Variants in MMS22L observed in about 807,000 individuals in gnomAD.
MMS22L encodes the protein protein MMS22-like.
Under a neutral mutation model 159.1 loss-of-function variants are expected in MMS22L, and 74 were observed. The ratio of observed to expected loss-of-function variants is 0.47; its 90% CI spans 0.39 to 0.56. The LOEUF (loss-of-function observed/expected upper bound fraction) is 0.56, where lower values mean the gene tolerates loss of function less well. MMS22L is among the 20% of genes least tolerant of loss of function. The pLI is 0.00. For synonymous variants in MMS22L, 517 were observed against 506.9 expected (o/e 1.02, Z -0.27); for missense variants, 1,351 against 1,422.1 (o/e 0.95, Z 0.80).
chr6:97,250,273 A>G (rs1813105712), intron 10 of MMS22L, among the ~76,000 whole-genome samples: 2 of 152,156 alleles, frequency 1.3e-5, no homozygotes, highest in South Asian at 4.1e-4. Context: ...TATAGGTAGG[A>G]TCTCTACCAG....
intron 14 of MMS22L, among the ~76,000 whole-genome samples, chr6:97,217,789 A>T (rs550596470): frequency 2.0e-5 from 3 of 152,128 alleles, no homozygotes; most frequent in African/African-American, 7.2e-5. Flanking sequence ...CTGTGATTCT[A>T]TTTTCTTATG....
At chr6:97,159,352 A>G (rs1431893857) in intron 22 of MMS22L, among the ~76,000 whole-genome samples, 2 of 151,948 alleles carry the variant, frequency 1.3e-5, no homozygotes, top group African/African-American at 4.8e-5. Context: ...CTAACCATAT[A>G]TACCTTAACT....
At chr6:97,164,647 C>T (rs1206122) in intron 21 of MMS22L, among the ~76,000 whole-genome samples, 68,010 of 151,660 alleles carry the variant, frequency 0.45, 15,408 homozygotes, top group South Asian at 0.53. Context: ...GATGGTGTCT[C>T]GCTCTGTCAC....
At chr6:97,174,260 TAAAAAAAAAA>T (rs966525669) in intron 18 of MMS22L, among the ~76,000 whole-genome samples, 86 of 128,590 alleles carry the variant, frequency 6.7e-4, no homozygotes, top group Non-Finnish European at 1.2e-3. Flanking sequence ...AAAAAAAAAA[TAAAAAAAAAA>T]AAAAAATAAA....
chr6:97,229,555 A>G (rs1810634651), intron 13 of MMS22L, 152 bp from the exon 14 acceptor site: 2 of 604,068 alleles, frequency 3.3e-6, no homozygotes, highest in African/African-American at 1.9e-5. Context: ...TTTTTTACTT[A>G]GAAAACACAT....
chr6:97,197,280 A>G (rs1806630759), intron 14 of MMS22L, among the ~76,000 whole-genome samples: 1 of 152,166 alleles, frequency 6.6e-6, no homozygotes, highest in Admixed American at 6.6e-5. Flanking sequence ...CACTGCTTGT[A>G]TTCAGTTAGG....
intron 10 of MMS22L, 90 bp downstream of exon 10, chr6:97,254,462 ACTTTT>A: frequency 1.1e-6 from 1 of 942,700 alleles, no homozygotes; most frequent in South Asian, 1.7e-5. Context: ...TTGTAGTCTG[ACTTTT>A]CTTGTTTCTG....
At chr6:97,200,517 G>A (rs1318949479) in intron 14 of MMS22L, among the ~76,000 whole-genome samples, 1 of 152,054 alleles carries the variant, frequency 6.6e-6, no homozygotes. Context: ...GTATCTGCAT[G>A]CTTAGGGCTT....
chr6:97,267,045 C>T (rs1815198488), intron 8 of MMS22L: 1 of 151,990 alleles, frequency 6.6e-6, no homozygotes, highest in Non-Finnish European at 1.5e-5. Context: ...TATATTTAGC[C>T]ATTCTACACT....
At chr6:97,214,087 T>A (rs573972032) in intron 14 of MMS22L, among the ~76,000 whole-genome samples, 42 of 152,328 alleles carry the variant, frequency 2.8e-4, no homozygotes, top group Non-Finnish European at 5.4e-4. Flanking sequence ...TTCTATTTTT[T>A]AAATCAAATC....
chr6:97,161,860 A>C (rs1311583570), intron 22 of MMS22L, 142 bp downstream of exon 22: 1 of 756,932 alleles, frequency 1.3e-6, no homozygotes, highest in Non-Finnish European at 2.0e-6. Context: ...TGCTAGCTGG[A>C]GTTTATTCTT....
At chr6:97,260,781 A>C (rs559746292) in intron 9 of MMS22L, 1 of 152,216 alleles carries the variant, frequency 6.6e-6, no homozygotes, top group Non-Finnish European at 1.5e-5. Context: ...AAGATTCTTA[A>C]TTCAGGGTTA....
At chr6:97,170,211 A>G (rs1430392177) in intron 19 of MMS22L, among the ~76,000 whole-genome samples, 1 of 152,128 alleles carries the variant, frequency 6.6e-6, no homozygotes. Context: ...TCCCTCATGA[A>G]TAAGGGGAAA....
chr6:97,222,301 A>AG (rs566360699), intron 14 of MMS22L, among the ~76,000 whole-genome samples: 261 of 152,184 alleles, frequency 1.7e-3, no homozygotes, highest in African/African-American at 5.9e-3. Flanking sequence ...TTATAGGGAG[A>AG]GAAAAAAAGG....
intron 8 of MMS22L, chr6:97,265,594 T>C (rs1475628820): frequency 1.2e-4 from 18 of 152,094 alleles, no homozygotes; most frequent in Non-Finnish European, 2.9e-5. Context: ...AAGAAAATAT[T>C]TGCAAACCAT....
At chr6:97,273,166 A>G in intron 4 of MMS22L, 104 bp from the exon 5 acceptor site, 2 of 866,258 alleles carry the variant, frequency 2.3e-6, no homozygotes, top group Non-Finnish European at 3.6e-6. Flanking sequence ...ATCTTGTAAC[A>G]TTTTATATTA....
chr6:97,282,347 C>T lies in MMS22L; in HGVS notation c.131G>A (p.Gly44Glu). ...GGCTCCGCTGCAGAGGTAGGATTCT[C>T]CAGAAAAATGTTTTCCTCCTCCTCT... The part of the protein sequence containing the change: ...DNRGGGKHFS[G>E]ESYLCSGALK... Residue 44 changes from glycine (G) to glutamate (E), a missense_variant, in exon 2 of 25, where the codon GGA becomes GAA. Physicochemically the swap from Gly to Glu is moderately conservative, Grantham distance 98. Transcript: ENST00000683635. 2 of 1,614,066 alleles carry T rather than the reference C, an allele frequency of 1.2e-6. No individual in the cohort carries two copies. The highest frequency in any genetic ancestry group is 1.7e-6 in the Non-Finnish European group (2 of 1,180,014).
In MMS22L at chr6:97,272,862, C is replaced by T. The variant is rs1815885068; in HGVS notation, c.448G>A (p.Ala150Thr). The T allele has an allele frequency of 6.2e-7, 1 of 1,612,248 alleles. No individual in the cohort carries two copies. Among genetic ancestry groups the T allele is most frequent in the African/African-American group, 1.3e-5 (1 of 74,800 alleles). Residue 150 changes from alanine to threonine, a missense_variant, in exon 6 of 25, where the codon GCT becomes ACT. Coordinates refer to ENST00000683635, the MANE Select transcript of MMS22L (RefSeq NM_001350599.2). ...GGATGGACAGGAACATGACTCTCAG[C>T]ATTCTGTACTTTCAGATACCTAAAA... ...FIFRYLKVQN[A>T]ESHVPVHPYE...
intron 14 of MMS22L, among the ~76,000 whole-genome samples, chr6:97,195,556 G>T (rs1342546900): frequency 6.6e-6 from 1 of 152,130 alleles, no homozygotes; most frequent in African/African-American, 2.4e-5. Context: ...TGTTCCATTT[G>T]TTCAGTCATA....
Sources: allele counts gnomAD v4.1 joint callset (sites outside exome capture counted in the v4.1 genomes callset), GRCh38; gene constraint gnomAD v4.1.1; transcripts MANE v1.5; gene names NCBI Gene and HGNC (gene_info 2026-07-23, HGNC 2026-07-21).